The following SGK3 variants were observed in gnomAD, a reference collection of about 807,000 sequenced individuals.
SGK3 encodes the protein serum/glucocorticoid regulated kinase family member 3.
In SGK3, 47 loss-of-function variants were observed where a neutral mutation model predicts 68.5. The observed-to-expected ratio is 0.69, with a 90% CI of 0.54 to 0.87. The LOEUF (loss-of-function observed/expected upper bound fraction) is 0.87. Ranked by LOEUF, SGK3 falls within the 40% of genes least tolerant of loss-of-function variation. SGK3 has a pLI of 0.00. For synonymous variants in SGK3, 181 were observed against 189.1 expected (o/e 0.96, Z 0.35); for missense variants, 479 against 575.5 (o/e 0.83, Z 1.72).
At chr8:66,778,555 C>A (rs954808672) in intron 1 of SGK3, among the ~76,000 whole-genome samples, 17 of 152,224 alleles carry the variant, frequency 1.1e-4, no homozygotes, top group African/African-American at 3.9e-4. Context: ...TCGGCCTCCC[C>A]AAGTGCCAGG....
chr8:66,759,320 C>T (rs964331654), intron 1 of SGK3, among the ~76,000 whole-genome samples: 21 of 151,686 alleles, frequency 1.4e-4, no homozygotes, highest in African/African-American at 3.1e-4. Flanking sequence ...CCTGACCTCA[C>T]GCGATCCGCC....
intron 4 of SGK3, among the ~76,000 whole-genome samples, chr8:66,806,179 T>C (rs916559685): frequency 7.2e-5 from 11 of 152,138 alleles, no homozygotes; most frequent in African/African-American, 2.7e-4. Context: ...AGAGTTTTTT[T>C]TTTCTCTCTT....
chr8:66,822,263 CT>C, intron 5 of SGK3, 108 bp from the exon 6 acceptor site: 1 of 934,508 alleles, frequency 1.1e-6, no homozygotes, highest in Middle Eastern at 2.9e-4. Context: ...GTTTTACTTT[CT>C]TACTGTAAAT....
intron 10 of SGK3, 108 bp downstream of exon 10, chr8:66,836,182 A>G: frequency 1.5e-6 from 2 of 1,379,222 alleles, no homozygotes; most frequent in African/African-American, 1.4e-5. Context: ...GTAGCTTTTT[A>G]TAGCAATAAT....
intron 6 of SGK3, among the ~76,000 whole-genome samples, chr8:66,825,616 C>T (rs1203146040): frequency 6.6e-6 from 1 of 152,040 alleles, no homozygotes. Context: ...CTATTAAGGA[C>T]TTTTAAGTGA....
At chr8:66,851,990 C>T (rs1363524169) in intron 16 of SGK3, among the ~76,000 whole-genome samples, 5 of 152,090 alleles carry the variant, frequency 3.3e-5, no homozygotes, top group African/African-American at 4.8e-5. Context: ...ATAGTAGAGC[C>T]AGGATTCCAA....
At chr8:66,811,992 G>C (rs1239146273) in intron 4 of SGK3, among the ~76,000 whole-genome samples, 6 of 152,132 alleles carry the variant, frequency 3.9e-5, no homozygotes, top group Admixed American at 6.5e-5. Context: ...AAAGTACCAA[G>C]TACATGCTTC....
At chr8:66,734,745 G>C (rs1025195524) in intron 1 of SGK3, among the ~76,000 whole-genome samples, 1 of 151,868 alleles carries the variant, frequency 6.6e-6, no homozygotes, top group Non-Finnish European at 1.5e-5. Flanking sequence ...TCAGGAGTTC[G>C]GGACCATCCT....
At chr8:66,798,719 A>C in intron 3 of SGK3, 94 bp downstream of exon 3, 1 of 1,022,510 alleles carries the variant, frequency 9.8e-7, no homozygotes, top group Non-Finnish European at 1.4e-6. Flanking sequence ...ATTGATACTC[A>C]TATGTTAATA....
chr8:66,750,482 A>G (rs1805781035), intron 1 of SGK3, among the ~76,000 whole-genome samples: 1 of 152,028 alleles, frequency 6.6e-6, no homozygotes, highest in Admixed American at 6.6e-5. Flanking sequence ...TAAACAGGCA[A>G]TTGCTAGGCA....
intron 6 of SGK3, among the ~76,000 whole-genome samples, chr8:66,826,322 T>C (rs1299481199): frequency 1.3e-5 from 2 of 152,218 alleles, no homozygotes; most frequent in African/African-American, 4.8e-5. Flanking sequence ...AAACCAGTTA[T>C]CTGCACATTC....
At chr8:66,745,236 T>C (rs1805619860) in intron 1 of SGK3, among the ~76,000 whole-genome samples, 1 of 152,128 alleles carries the variant, frequency 6.6e-6, no homozygotes, top group Non-Finnish European at 1.5e-5. Context: ...AAGTGCCTGA[T>C]GATTATTTAG....
Position 66,793,723 on chromosome 8 carries a change from T to C in SGK3, c.-14T>C, listed in dbSNP as rs777292409. 1 of 1,611,300 alleles carries C rather than the reference T, an allele frequency of 6.2e-7. No homozygotes were observed. Among genetic ancestry groups the C allele is most frequent in the Non-Finnish European group, 8.5e-7 (1 of 1,178,422 alleles). On this transcript the variant is annotated 5_prime_UTR_variant, in exon 2 of 17. Transcript: ENST00000521198. ...TCTTCGGATGCATTTTTTGGTGTGCTCTTGAGGGATTAAATGCAAAGAGAT... is the reference window on the plus strand; with the variant it reads ...TCTTCGGATGCATTTTTTGGTGTGCCCTTGAGGGATTAAATGCAAAGAGAT...
chr8:66,834,918 C>T lies in SGK3; in HGVS notation c.526-845C>T, dbSNP rs1428031828. On this transcript the variant is annotated intron_variant, in intron 8 of 16. Transcript: ENST00000521198. The stretch of plus-strand genomic sequence containing the variant: ...TCGCGCCACTGCACTCCAGCCTGGG[C>T]GACAGAGCAAGACTCTGTCTCAAAA... Among the ~76,000 whole-genome samples, 7 of 141,148 alleles carry T rather than the reference C, an allele frequency of 5.0e-5. No individual in the cohort carries two copies. The East Asian group carries it at 8.3e-4, about 17-fold the overall frequency. The allele number at this position is 141,148 out of a possible 152,430, so 92.6% of individuals were successfully genotyped here.
chr8:66,767,266 ATTAG>A (rs1806347452), intron 1 of SGK3: 1 of 597,818 alleles, frequency 1.7e-6, no homozygotes. Context: ...TTGTTCCCTT[ATTAG>A]TTATAACTCC....
At chr8:66,812,642 G>T (rs1429809060) in intron 4 of SGK3, among the ~76,000 whole-genome samples, 1 of 151,594 alleles carries the variant, frequency 6.6e-6, no homozygotes, top group Non-Finnish European at 1.5e-5. Context: ...AAAAGTAATA[G>T]TATCTAATGA....
chr8:66,832,939 C>T (rs1285814694), intron 8 of SGK3, among the ~76,000 whole-genome samples: 1 of 151,432 alleles, frequency 6.6e-6, no homozygotes, highest in Non-Finnish European at 1.5e-5. Flanking sequence ...GATGGGCCAC[C>T]TGATCTGCAG....
At chr8:66,785,880 G>A (rs1807178457) in intron 1 of SGK3, among the ~76,000 whole-genome samples, 1 of 152,196 alleles carries the variant, frequency 6.6e-6, no homozygotes, top group Non-Finnish European at 1.5e-5. Context: ...CTGCCCCTGA[G>A]CACCAGACTA....
intron 1 of SGK3, among the ~76,000 whole-genome samples, chr8:66,749,042 G>A (rs113441590): frequency 0.018 from 2,784 of 152,126 alleles, 64 homozygotes; most frequent in South Asian, 0.045. Context: ...GACTACAGGC[G>A]TGCATCACCA....
Sources: gnomAD v4.1 joint callset for allele counts (sites outside exome capture counted in the v4.1 genomes callset) on GRCh38, gnomAD v4.1.1 for gene constraint, MANE v1.5 for transcripts, NCBI Gene and HGNC (gene_info 2026-07-23, HGNC 2026-07-21) for gene names.